Variants in TAFA1 observed in about 807,000 individuals in gnomAD.
The protein encoded by TAFA1 is TAFA chemokine like family member 1.
TAFA1 carries 4 observed loss-of-function variants against 18.5 expected under a neutral mutation model. That is an observed-to-expected ratio of 0.22 (90% CI 0.11 to 0.49). The LOEUF is 0.49. Among genes scored for constraint, TAFA1 ranks in the 20% least tolerant of loss-of-function variants. TAFA1 has a pLI of 0.98. For synonymous variants in TAFA1, 56 were observed against 55.2 expected (o/e 1.01, Z -0.06); for missense variants, 147 against 169.0 (o/e 0.87, Z 0.72).
chr3:68,037,832 C>A (rs1705083914), intron 2 of TAFA1, among the ~76,000 whole-genome samples: 1 of 152,070 alleles, frequency 6.6e-6, no homozygotes, highest in Non-Finnish European at 1.5e-5. Context: ...CATCTTTTGG[C>A]CAGACAGGAC....
At chr3:68,067,053 A>T (rs1160923419) in intron 2 of TAFA1, among the ~76,000 whole-genome samples, 1 of 152,138 alleles carries the variant, frequency 6.6e-6, no homozygotes, top group Non-Finnish European at 1.5e-5. Flanking sequence ...ATTGGATTTG[A>T]TTTTGGGTGA....
chr3:68,175,701 G>T (rs189639647), intron 2 of TAFA1, among the ~76,000 whole-genome samples: 321 of 152,258 alleles, frequency 2.1e-3, no homozygotes, highest in African/African-American at 7.5e-3. Context: ...GAATTGCCTT[G>T]TCTCAGATAA....
At chr3:68,313,979 A>G (rs181057425) in intron 2 of TAFA1, among the ~76,000 whole-genome samples, 1 of 152,302 alleles carries the variant, frequency 6.6e-6, no homozygotes, top group East Asian at 1.9e-4. Flanking sequence ...GTAAAAAGGA[A>G]TCCTTTTTTT....
At chr3:68,328,201 T>G (rs1012950929) in intron 2 of TAFA1, among the ~76,000 whole-genome samples, 6 of 152,198 alleles carry the variant, frequency 3.9e-5, no homozygotes, top group Non-Finnish European at 7.3e-5. Flanking sequence ...TTTTCATGAA[T>G]CAGCTGGTTG....
intron 2 of TAFA1, among the ~76,000 whole-genome samples, chr3:68,335,583 A>T (rs899410965): frequency 8.0e-4 from 121 of 151,706 alleles, no homozygotes; most frequent in African/African-American, 2.9e-3. Context: ...AGTGGGACAA[A>T]TTTTTTTTTA....
chr3:68,252,848 C>G (rs6780925), intron 2 of TAFA1, among the ~76,000 whole-genome samples: 57,585 of 151,904 alleles, frequency 0.38, 11,690 homozygotes, highest in East Asian at 0.64. Context: ...GACCCAGTTG[C>G]AGGTAATTGA....
chr3:68,529,947 C>T (rs772360199), intron 3 of TAFA1, among the ~76,000 whole-genome samples: 20 of 152,186 alleles, frequency 1.3e-4, no homozygotes, highest in Admixed American at 5.2e-4. Context: ...TATTCCCCAA[C>T]CTGAGCCTGC....
chr3:68,454,197 A>G (rs926602257), intron 3 of TAFA1, among the ~76,000 whole-genome samples: 1 of 152,246 alleles, frequency 6.6e-6, no homozygotes, highest in African/African-American at 2.4e-5. Context: ...CATTATTTCT[A>G]TAAGAAATAC....
chr3:68,066,537 T>G (rs2106738148), intron 2 of TAFA1, among the ~76,000 whole-genome samples: 1 of 152,314 alleles, frequency 6.6e-6, no homozygotes, highest in South Asian at 2.1e-4. Context: ...TCTCAGACAG[T>G]TCTGGAAAAT....
chr3:68,051,851 T>C (rs1259784783), intron 2 of TAFA1, among the ~76,000 whole-genome samples: 2 of 152,130 alleles, frequency 1.3e-5, no homozygotes, highest in African/African-American at 2.4e-5. Flanking sequence ...CTGACAAAAC[T>C]ACATAATTAA....
intron 2 of TAFA1, among the ~76,000 whole-genome samples, chr3:68,076,787 T>C (rs2064830993): frequency 6.6e-6 from 1 of 152,288 alleles, no homozygotes; most frequent in Non-Finnish European, 1.5e-5. Context: ...TGTGTCTTTA[T>C]AGCAGCATGA....
chr3:68,474,359 C>T (rs939668562), intron 3 of TAFA1, among the ~76,000 whole-genome samples: 3 of 152,140 alleles, frequency 2.0e-5, no homozygotes, highest in Admixed American at 6.5e-5. Flanking sequence ...TTCATCCATT[C>T]GAGAATCTGA....
At chr3:68,335,420 C>G in intron 2 of TAFA1, among the ~76,000 whole-genome samples, 1 of 151,686 alleles carries the variant, frequency 6.6e-6, no homozygotes, top group African/African-American at 2.4e-5. Flanking sequence ...AATGAGTTAT[C>G]CATACAGAGA....
At chr3:68,490,436 A>G (rs904794218) in intron 3 of TAFA1, among the ~76,000 whole-genome samples, 2 of 152,200 alleles carry the variant, frequency 1.3e-5, no homozygotes, top group African/African-American at 4.8e-5. Flanking sequence ...AAAGACTGTT[A>G]TAATCCTATA....
intron 2 of TAFA1, among the ~76,000 whole-genome samples, chr3:68,348,172 GTTAC>G (rs2069198630): frequency 6.6e-6 from 1 of 152,148 alleles, no homozygotes; most frequent in African/African-American, 2.4e-5. Flanking sequence ...TCTAGAGCAA[GTTAC>G]TTAACTGCTC....
At chr3:68,219,805 G>A (rs1425613915) in intron 2 of TAFA1, among the ~76,000 whole-genome samples, 1 of 151,968 alleles carries the variant, frequency 6.6e-6, no homozygotes, top group Non-Finnish European at 1.5e-5. Flanking sequence ...ATTTTACAGG[G>A]TGTATACACC....
intron 2 of TAFA1, among the ~76,000 whole-genome samples, chr3:68,087,828 C>A (rs559572823): frequency 2.0e-5 from 3 of 151,920 alleles, no homozygotes; most frequent in African/African-American, 7.3e-5. Flanking sequence ...ATTATATATA[C>A]GATCTCTTAC....
At chr3:68,347,807 G>C (rs1307667552) in intron 2 of TAFA1, among the ~76,000 whole-genome samples, 7 of 152,178 alleles carry the variant, frequency 4.6e-5, no homozygotes, top group Admixed American at 2.0e-4. Flanking sequence ...CCTTTTGGAA[G>C]GGTACATCTT....
At chr3:68,364,287 G>A (rs563081516) in intron 2 of TAFA1, among the ~76,000 whole-genome samples, 2 of 152,262 alleles carry the variant, frequency 1.3e-5, no homozygotes, top group African/African-American at 4.8e-5. Flanking sequence ...GGGCTTCCCA[G>A]GGACAGGCCA....
Sources: allele counts gnomAD v4.1 joint callset (sites outside exome capture counted in the v4.1 genomes callset), GRCh38; gene constraint gnomAD v4.1.1; transcripts MANE v1.5; gene names NCBI Gene and HGNC (gene_info 2026-07-23, HGNC 2026-07-21).